Variants in WAC observed in about 807,000 individuals in gnomAD.
WAC encodes the protein WW domain-containing adapter protein with coiled-coil.
A neutral mutation model predicts 79.6 loss-of-function variants in WAC; 11 were observed. That is an observed-to-expected ratio of 0.14 (90% CI 0.09 to 0.23). WAC has a LOEUF of 0.23. Among genes scored for constraint, WAC ranks in the 10% least tolerant of loss-of-function variants. The probability of loss-of-function intolerance (pLI) is 1.00; values close to 1 mark genes in which losing one functional copy is unlikely to be tolerated. For synonymous variants in WAC, 304 were observed against 276.9 expected, an observed-to-expected ratio of 1.10 and a Z score of -0.97; for missense variants, 728 against 773.5, an observed-to-expected ratio of 0.94 and a Z score of 0.70.
At position 28,608,061 on chromosome 10, in the gene WAC, C is replaced by T. The variant is rs557580246; in HGVS notation, c.920-125C>T. On this transcript the variant is annotated intron_variant, in intron 7 of 13. Transcript: ENST00000354911. ...TTTACTGAGCATCTTCTGTGTGCTCCAGTGTGTAAGGGTTAAATGAGATTA... is the reference window on the plus strand; with the variant it reads ...TTTACTGAGCATCTTCTGTGTGCTCTAGTGTGTAAGGGTTAAATGAGATTA... 6 of 995,494 alleles carry T rather than the reference C, an allele frequency of 6.0e-6. No homozygotes were observed. The Admixed American group carries it at 9.0e-5, about 15-fold the overall frequency. The allele number at this position is 995,494 out of a possible 1,614,324, so 61.7% of individuals were successfully genotyped here.
intron 3 of WAC, among the ~76,000 whole-genome samples, chr10:28,542,238 C>T (rs776894432): frequency 5.9e-5 from 9 of 152,212 alleles, no homozygotes; most frequent in Non-Finnish European, 1.3e-4. Context: ...TTGCTGAACA[C>T]TCTGAAACAG....
intron 7 of WAC, among the ~76,000 whole-genome samples, chr10:28,604,561 A>T (rs1358613232): frequency 1.3e-5 from 2 of 152,090 alleles, no homozygotes; most frequent in African/African-American, 4.8e-5. Context: ...GCAAAATCCC[A>T]TCTCTACTAA....
chr10:28,603,819 A>T (rs998489297), intron 7 of WAC, among the ~76,000 whole-genome samples: 1 of 150,766 alleles, frequency 6.6e-6, no homozygotes, highest in African/African-American at 2.4e-5. Context: ...CTGTAGTCCC[A>T]GCTACTCGGG....
intron 7 of WAC, among the ~76,000 whole-genome samples, chr10:28,607,514 A>T (rs1841017580): frequency 6.6e-6 from 1 of 152,224 alleles, no homozygotes; most frequent in Non-Finnish European, 1.5e-5. Flanking sequence ...TTATTTCTAA[A>T]TACTATGAGG....
chr10:28,602,349 A>T (rs532510225), intron 7 of WAC, among the ~76,000 whole-genome samples: 6 of 152,360 alleles, frequency 3.9e-5, no homozygotes, highest in Non-Finnish European at 5.9e-5. Flanking sequence ...TTATAAATGC[A>T]TTAAGTTCTA....
chr10:28,612,413 C>G (rs1841285966), intron 10 of WAC, among the ~76,000 whole-genome samples: 1 of 152,036 alleles, frequency 6.6e-6, no homozygotes, highest in Non-Finnish European at 1.5e-5. Flanking sequence ...GAATTTGAAA[C>G]CTAGGTGTTT....
chr10:28,547,982 G>A (rs1421595581), intron 3 of WAC, among the ~76,000 whole-genome samples: 9 of 147,686 alleles, frequency 6.1e-5, no homozygotes, highest in Admixed American at 4.8e-4. Flanking sequence ...GTGTAGTGGC[G>A]CAATCTTGGC....
chr10:28,596,683 A>G (rs1446716689), intron 7 of WAC, among the ~76,000 whole-genome samples: 1 of 152,224 alleles, frequency 6.6e-6, no homozygotes, highest in Non-Finnish European at 1.5e-5. Context: ...ATTTGCATAG[A>G]CCATTCACAA....
Position 28,583,384 on chromosome 10 carries a change from C to G in WAC, c.275-15C>G, listed in dbSNP as rs373121177. The G allele has an allele frequency of 6.4e-7, 1 of 1,551,066 alleles. No individual in the cohort carries two copies. The highest frequency in any genetic ancestry group is 8.7e-7 in the Non-Finnish European group (1 of 1,148,470). ...CAGTTTACTTGTAATTCACTTTGTT[C>G]TTTATTTTTTTAAGGGACCAGTTAC... is the stretch of plus-strand genomic sequence containing the variant. On this transcript the variant is annotated splice_polypyrimidine_tract_variant and intron_variant, in intron 3 of 13. Coordinates refer to ENST00000354911, the MANE Select transcript of WAC (RefSeq NM_016628.5).
intron 3 of WAC, among the ~76,000 whole-genome samples, chr10:28,548,815 C>A (rs1837505817): frequency 2.0e-5 from 3 of 152,118 alleles, no homozygotes; most frequent in Admixed American, 6.5e-5. Context: ...AGTGTGGTAG[C>A]CACCAGCTAC....
chr10:28,585,313 C>T (rs1370451337), intron 4 of WAC, among the ~76,000 whole-genome samples: 3 of 151,956 alleles, frequency 2.0e-5, no homozygotes, highest in Non-Finnish European at 4.4e-5. Flanking sequence ...GGGATGGTAG[C>T]CGAGAGCTGG....
chr10:28,535,656 T>C lies in WAC; in HGVS notation c.173T>C (p.Met58Thr). 1 of 1,614,038 alleles carries C rather than the reference T, an allele frequency of 6.2e-7. No individual in the cohort carries two copies. The highest frequency in any genetic ancestry group is 8.5e-7 in the Non-Finnish European group (1 of 1,180,008). Residue 58 changes from methionine (M) to threonine (T), a missense_variant, in exon 3 of 14, where the codon ATG (methionine) becomes ACG (threonine). Met to Thr is a moderately conservative substitution (Grantham distance 81). This residue lies in a region of WAC where 648 missense variants were observed against 661.5 expected (regional missense o/e 0.98). Transcript: ENST00000354911. The part of the protein sequence containing the change: ...DAGDPSPPNK[M>T]LRRSDSPENK... ...GGAGATCCTTCACCACCAAATAAAA[T>C]GTTGCGGAGATCTGATAGTCCTGAA... is the stretch of plus-strand genomic sequence containing the variant.
At chr10:28,583,565 A>AG in intron 4 of WAC, 60 bp downstream of exon 4, 1 of 1,266,476 alleles carries the variant, frequency 7.9e-7, no homozygotes, top group South Asian at 1.5e-5. Flanking sequence ...AAAAAAAAAA[A>AG]AAATACAACC....
At chr10:28,540,859 A>G (rs1267546764) in intron 3 of WAC, among the ~76,000 whole-genome samples, 2 of 152,092 alleles carry the variant, frequency 1.3e-5, no homozygotes, top group Non-Finnish European at 1.5e-5. Context: ...AGCAGTCTTA[A>G]TGTTTCAACT....
intron 3 of WAC, among the ~76,000 whole-genome samples, chr10:28,551,767 T>A (rs1837680175): frequency 6.6e-6 from 1 of 151,038 alleles, no homozygotes; most frequent in African/African-American, 2.4e-5. Context: ...TTAAATGCTT[T>A]TATGTTTCCT....
At position 28,533,148 on chromosome 10, in the gene WAC, AGCGGCGGCACCAGCGGCGGCGGCG is replaced by A. The variant is rs917284317; in HGVS notation, c.-424_-401del. On this transcript the variant is annotated 5_prime_UTR_variant, in exon 1 of 14. Coordinates refer to ENST00000354911, the MANE Select transcript of WAC (RefSeq NM_016628.5). ...GCCCGGATGTAGTTGGTGGAGCGGCAGCGGCGGCACCAGCGGCGGCGGCGGCGGCGGGAGGAGGAGGAGGAGAAG... is the reference window on the plus strand; with the variant it reads ...GCCCGGATGTAGTTGGTGGAGCGGCAGCGGCGGGAGGAGGAGGAGGAGAAG... The A allele has an allele frequency of 2.4e-5, 4 of 166,452 alleles. No homozygotes were observed. The highest frequency in any genetic ancestry group is 4.8e-5 in the African/African-American group (2 of 41,456). The allele number at this position is 166,452 out of a possible 1,614,324, so 10.3% of individuals were successfully genotyped here. A position where few individuals can be genotyped will look rare whatever the true frequency, so the allele number is the denominator to read the frequency against.
chr10:28,532,798 C>G (rs541145912), upstream of WAC: 1 of 152,974 alleles, frequency 6.5e-6, no homozygotes, highest in Non-Finnish European at 1.5e-5. Flanking sequence ...TGGCTTCCCT[C>G]GCGCCCCACC....
intron 3 of WAC, among the ~76,000 whole-genome samples, chr10:28,541,861 G>A (rs12261524): frequency 1.3e-5 from 2 of 151,988 alleles, no homozygotes; most frequent in African/African-American, 2.4e-5. Context: ...TTCTGCAAGA[G>A]CCCCCTAGTG....
At chr10:28,563,769 T>TTTTTA (rs1163758803) in intron 3 of WAC, among the ~76,000 whole-genome samples, 1 of 120,554 alleles carries the variant, frequency 8.3e-6, no homozygotes, top group Non-Finnish European at 1.9e-5. Context: ...TTTTTTTTTT[T>TTTTTA]TTTTGTATTT....
Sources: gnomAD v4.1 joint callset for allele counts (sites outside exome capture counted in the v4.1 genomes callset) on GRCh38, gnomAD v4.1.1 for gene constraint, gnomAD v4.1.1 regional missense constraint, MANE v1.5 for transcripts, NCBI Gene and HGNC (gene_info 2026-07-23, HGNC 2026-07-21) for gene names.